FANCL: variants seen among roughly 807,000 people sequenced by gnomAD.
The protein encoded by FANCL is E3 ubiquitin-protein ligase FANCL.
A neutral mutation model predicts 59.4 loss-of-function variants in FANCL; 69 were observed. The observed-to-expected ratio is 1.16, with a 90% confidence interval of 0.96 to 1.42. The LOEUF is 1.42. Among genes scored for constraint, FANCL ranks in the 40% most tolerant of loss-of-function variants. The probability of loss-of-function intolerance (pLI) is 0.00; values close to 1 mark genes in which losing one functional copy is unlikely to be tolerated. For synonymous variants in FANCL, 180 were observed against 147.1 expected, an observed-to-expected ratio of 1.22 and a Z score of -1.62; for missense variants, 519 against 447.2, an observed-to-expected ratio of 1.16 and a Z score of -1.45.
At chr2:58,172,199 A>G (rs1177196681) in intron 7 of FANCL, among the ~76,000 whole-genome samples, 3 of 152,230 alleles carry the variant, frequency 2.0e-5, no homozygotes, top group Non-Finnish European at 4.4e-5. Context: ...AGACAGCAGT[A>G]ACCTCTGCAG....
intron 9 of FANCL, 22 bp downstream of exon 9, chr2:58,163,411 CG>C: frequency 6.6e-7 from 1 of 1,511,970 alleles, no homozygotes; most frequent in Non-Finnish European, 9.2e-7. Flanking sequence ...TATTAAAAAA[CG>C]TTTAAATCTC....
chr2:58,192,456 T>C (rs1256193508), intron 7 of FANCL, among the ~76,000 whole-genome samples: 1 of 151,890 alleles, frequency 6.6e-6, no homozygotes. Context: ...GGAAAAGTTT[T>C]TTAAAAAGTG....
intron 5 of FANCL, among the ~76,000 whole-genome samples, chr2:58,213,011 T>C (rs974960283): frequency 2.7e-4 from 41 of 152,176 alleles, no homozygotes; most frequent in African/African-American, 8.7e-4. Context: ...ATAGAGTTGA[T>C]TAGAAATACC....
intron 6 of FANCL, among the ~76,000 whole-genome samples, chr2:58,200,192 G>C (rs1435075427): frequency 2.0e-5 from 3 of 151,820 alleles, no homozygotes; most frequent in African/African-American, 4.8e-5. Flanking sequence ...ATGTGCTTCA[G>C]AGTATCATTG....
At chr2:58,206,392 G>A (rs1243217074) in intron 5 of FANCL, among the ~76,000 whole-genome samples, 1 of 152,050 alleles carries the variant, frequency 6.6e-6, no homozygotes, top group East Asian at 1.9e-4. Flanking sequence ...AATAAGACTG[G>A]GGATAGAAAA....
intron 7 of FANCL, among the ~76,000 whole-genome samples, chr2:58,166,789 A>G (rs574655745): frequency 6.6e-6 from 1 of 152,366 alleles, no homozygotes; most frequent in South Asian, 2.1e-4. Flanking sequence ...TTCCTTAAAC[A>G]TGTATTTTAT....
chr2:58,163,095 AT>A (rs766417160), intron 9 of FANCL, 21 bp from the exon 10 acceptor site: 11 of 1,568,130 alleles, frequency 7.0e-6, no homozygotes, highest in East Asian at 2.2e-5. Context: ...AAAAAAAAAA[AT>A]TTAATAATTG....
intron 5 of FANCL, among the ~76,000 whole-genome samples, chr2:58,212,426 GA>G (rs1476099918): frequency 2.0e-5 from 3 of 152,098 alleles, no homozygotes; most frequent in African/African-American, 7.2e-5. Flanking sequence ...GGACACAGGG[GA>G]TACAGAACCA....
chr2:58,186,811 T>A (rs1688449079), intron 7 of FANCL, among the ~76,000 whole-genome samples: 1 of 152,160 alleles, frequency 6.6e-6, no homozygotes, highest in African/African-American at 2.4e-5. Context: ...ACCACGAAGC[T>A]GACTGAAGCA....
chr2:58,186,323 A>G lies in FANCL; in HGVS notation c.540+12271T>C, dbSNP rs1688400254. 2.6e-5 allele frequency among the ~76,000 whole-genome samples: 4 copies of G among 152,110 alleles called. 1 individual carries two copies. Among genetic ancestry groups the G allele is most frequent in the Admixed American group, 2.6e-4 (4 of 15,266 alleles). ...CCATAAGTATGATTGGTATATTTGGACCCTTGTCCTACATATCTTCATCTG... is the reference window on the plus strand; with the variant it reads ...CCATAAGTATGATTGGTATATTTGGGCCCTTGTCCTACATATCTTCATCTG... On this transcript the variant is annotated intron_variant, in intron 7 of 13. Coordinates refer to ENST00000233741, the MANE Select transcript of FANCL (RefSeq NM_018062.4).
chr2:58,161,607 G>C lies in FANCL; in HGVS notation c.935C>G (p.Ala312Gly). Residue 312 changes from alanine (A) to glycine (G), a missense_variant, in exon 12 of 14, where the codon GCT (alanine) becomes GGT (glycine). By Grantham distance (60) the Ala-to-Gly change is moderately conservative (BLOSUM62 0). Coordinates refer to ENST00000233741, the MANE Select transcript of FANCL (RefSeq NM_018062.4). ...AGGAATGGTACCGTCAAGTTGATAAGCATAACAAATTCCACAATCCATAGT... is the reference window on the plus strand; with the variant it reads ...AGGAATGGTACCGTCAAGTTGATAACCATAACAAATTCCACAATCCATAGT... ...DFTMDCGICYAYQLDGTIPDQ... is the reference protein window; with the variant it reads ...DFTMDCGICYGYQLDGTIPDQ... The C allele has an allele frequency of 6.2e-7, 1 of 1,611,286 alleles. No homozygotes were observed. The highest frequency in any genetic ancestry group is 8.5e-7 in the Non-Finnish European group (1 of 1,177,856).
At chr2:58,221,704 T>A (rs1558813347) in intron 5 of FANCL, among the ~76,000 whole-genome samples, 1 of 152,202 alleles carries the variant, frequency 6.6e-6, no homozygotes, top group African/African-American at 2.4e-5. Flanking sequence ...TACGGTAACA[T>A]CTTACTGTGT....
chr2:58,237,733 G>A (rs752487532), intron 1 of FANCL, among the ~76,000 whole-genome samples: 2 of 152,096 alleles, frequency 1.3e-5, no homozygotes, highest in Admixed American at 6.6e-5. Flanking sequence ...TATTTTTAAC[G>A]TATATCCATA....
intron 3 of FANCL, among the ~76,000 whole-genome samples, chr2:58,228,802 A>AT (rs891112867): frequency 2.0e-5 from 3 of 152,160 alleles, no homozygotes; most frequent in African/African-American, 7.2e-5. Context: ...AATAATTGGG[A>AT]TTTTTTTCTA....
At chr2:58,210,621 C>T (rs1691048304) in intron 5 of FANCL, among the ~76,000 whole-genome samples, 1 of 152,158 alleles carries the variant, frequency 6.6e-6, no homozygotes, top group African/African-American at 2.4e-5. Context: ...AAAGTCTCAT[C>T]TAAGACAAGG....
At chr2:58,193,821 A>C (rs1239974107) in intron 7 of FANCL, among the ~76,000 whole-genome samples, 1 of 152,160 alleles carries the variant, frequency 6.6e-6, no homozygotes, top group Non-Finnish European at 1.5e-5. Flanking sequence ...TTACATATCC[A>C]TGAAAAGAAA....
chr2:58,237,404 G>C (rs1020099890), intron 1 of FANCL, among the ~76,000 whole-genome samples: 10 of 151,946 alleles, frequency 6.6e-5, no homozygotes, highest in African/African-American at 2.4e-4. Context: ...AAGGCATTTG[G>C]AACTGAATAA....
intron 7 of FANCL, among the ~76,000 whole-genome samples, chr2:58,174,494 C>A (rs1358779336): frequency 6.6e-6 from 1 of 152,168 alleles, no homozygotes; most frequent in East Asian, 1.9e-4. Flanking sequence ...TCACTCAAAA[C>A]CGCTCATCTA....
At chr2:58,167,934 T>C (rs988090631) in intron 7 of FANCL, among the ~76,000 whole-genome samples, 4 of 152,118 alleles carry the variant, frequency 2.6e-5, no homozygotes, top group South Asian at 2.1e-4. Context: ...ATTTTGTCCA[T>C]TAAATCACTA....
Sources: allele counts gnomAD v4.1 joint callset (sites outside exome capture counted in the v4.1 genomes callset), GRCh38; gene constraint gnomAD v4.1.1; transcripts MANE v1.5; gene names NCBI Gene and HGNC (gene_info 2026-07-23, HGNC 2026-07-21).